Variants in ZNF804B observed in about 807,000 individuals in gnomAD.
ZNF804B encodes zinc finger protein 804B, also known as zinc finger 804B.
In ZNF804B, 80 loss-of-function variants were observed where a neutral mutation model predicts 101.4. The ratio of observed to expected loss-of-function variants is 0.79; its 90% CI spans 0.66 to 0.95. The LOEUF is 0.95. ZNF804B is among the 40% of genes least tolerant of loss of function. The pLI is 0.00. For missense variants in ZNF804B, 1,673 were observed against 1,561.9 expected (o/e 1.07, Z -1.20); for synonymous variants, 622 against 558.8 (o/e 1.11, Z -1.59).
At chr7:89,216,934 C>G (rs1788904925) in intron 1 of ZNF804B, among the ~76,000 whole-genome samples, 1 of 152,156 alleles carries the variant, frequency 6.6e-6, no homozygotes. Flanking sequence ...GCCAGTCACT[C>G]TTTTATTTGG....
At chr7:88,786,940 A>G (rs1304574055) in intron 1 of ZNF804B, among the ~76,000 whole-genome samples, 1 of 152,152 alleles carries the variant, frequency 6.6e-6, no homozygotes, top group Non-Finnish European at 1.5e-5. Context: ...GCTGGCAGGA[A>G]GATGAGTGTG....
intron 1 of ZNF804B, among the ~76,000 whole-genome samples, chr7:89,055,797 G>C (rs1220478589): frequency 6.6e-6 from 1 of 152,004 alleles, no homozygotes; most frequent in African/African-American, 2.4e-5. Flanking sequence ...AGAAAAAGGT[G>C]AGGGGTAGAG....
intron 1 of ZNF804B, among the ~76,000 whole-genome samples, chr7:89,189,052 G>A (rs1274761886): frequency 6.6e-6 from 1 of 152,130 alleles, no homozygotes; most frequent in Non-Finnish European, 1.5e-5. Context: ...TAGCTAAAGA[G>A]AAGAATTCCT....
At chr7:88,860,794 G>T (rs1791633542) in intron 1 of ZNF804B, among the ~76,000 whole-genome samples, 1 of 152,106 alleles carries the variant, frequency 6.6e-6, no homozygotes, top group Non-Finnish European at 1.5e-5. Flanking sequence ...TAATTAATTT[G>T]TTTAAAGCAG....
At chr7:88,844,959 A>G (rs768671864) in intron 1 of ZNF804B, among the ~76,000 whole-genome samples, 2 of 152,312 alleles carry the variant, frequency 1.3e-5, no homozygotes, top group Non-Finnish European at 2.9e-5. Flanking sequence ...TGCGAGCTGG[A>G]AGTTCTCTCA....
intron 1 of ZNF804B, among the ~76,000 whole-genome samples, chr7:89,163,742 A>G (rs530748657): frequency 6.6e-6 from 1 of 152,264 alleles, no homozygotes; most frequent in East Asian, 1.9e-4. Context: ...CAGTGTGTTG[A>G]ACCTATACCT....
chr7:89,027,234 G>C (rs1203167200), intron 1 of ZNF804B, among the ~76,000 whole-genome samples: 1 of 151,654 alleles, frequency 6.6e-6, no homozygotes, highest in Non-Finnish European at 1.5e-5. Flanking sequence ...AAATGCTGCA[G>C]AAAAAAAGCC....
intron 1 of ZNF804B, among the ~76,000 whole-genome samples, chr7:89,141,290 C>T (rs140848931): frequency 8.6e-5 from 13 of 152,044 alleles, no homozygotes; most frequent in East Asian, 3.9e-4. Context: ...GAGAAGTGAG[C>T]GCATGCTTTT....
At chr7:89,127,922 C>T (rs1475032634) in intron 1 of ZNF804B, among the ~76,000 whole-genome samples, 1 of 151,462 alleles carries the variant, frequency 6.6e-6, no homozygotes, top group Admixed American at 6.6e-5. Flanking sequence ...CATATAAAAA[C>T]TTCAGGATTT....
intron 1 of ZNF804B, among the ~76,000 whole-genome samples, chr7:89,111,017 G>A (rs1168930482): frequency 1.3e-5 from 2 of 152,038 alleles, no homozygotes; most frequent in Non-Finnish European, 2.9e-5. Context: ...CTTTCACTTC[G>A]TAATATGATT....
At chr7:88,821,191 A>T (rs543914392) in intron 1 of ZNF804B, among the ~76,000 whole-genome samples, 2 of 152,184 alleles carry the variant, frequency 1.3e-5, no homozygotes, top group African/African-American at 2.4e-5. Flanking sequence ...AAAAACTGTT[A>T]TACACCATAA....
intron 1 of ZNF804B, among the ~76,000 whole-genome samples, chr7:88,845,250 T>A (rs1330762354): frequency 1.3e-5 from 2 of 151,986 alleles, no homozygotes; most frequent in African/African-American, 4.8e-5. Flanking sequence ...AACAGAATAA[T>A]AAAAGCACAC....
chr7:89,048,040 A>G (rs1446624615), intron 1 of ZNF804B, among the ~76,000 whole-genome samples: 1 of 152,060 alleles, frequency 6.6e-6, no homozygotes, highest in Non-Finnish European at 1.5e-5. Flanking sequence ...TTTGGTGCAC[A>G]CATCACCTGA....
At chr7:89,015,347 T>C (rs1208615611) in intron 1 of ZNF804B, among the ~76,000 whole-genome samples, 6 of 151,634 alleles carry the variant, frequency 4.0e-5, no homozygotes, top group Admixed American at 3.9e-4. Context: ...ATTTAATTAT[T>C]ATTATACTTT....
Position 88,891,716 on chromosome 7 carries a change from GT to G in ZNF804B, c.108+131636del, listed in dbSNP as rs1792217890. ...CTTTCTCTCTACTAGTCTTTGTTTT[GT>G]TTTGTTTTGTTTTTTGAATTTTGAT... On this transcript the variant is annotated intron_variant, in intron 1 of 3. Coordinates refer to ENST00000333190, the MANE Select transcript of ZNF804B (RefSeq NM_181646.5). 2.7e-5 allele frequency among the ~76,000 whole-genome samples: 4 copies of G among 148,666 alleles called. No homozygotes were observed. The South Asian group carries it at 8.5e-4, about 32-fold the overall frequency.
rs1788973826 is a variant in ZNF804B, at chr7:89,220,061, A to ACG, written c.249+1768_249+1769dup. Among the ~76,000 whole-genome samples, 2 of 125,256 alleles carry ACG rather than the reference A, an allele frequency of 1.6e-5. 1 individual carries two copies. The highest frequency in any genetic ancestry group is 6.4e-5 in the African/African-American group (2 of 31,234). 82.2% of individuals were successfully genotyped at this position (125,256 alleles called of 152,430 possible). Reference sequence around the variant, plus strand: ...CATATATGTGCATATATACATATATACGCACATATATGTGTATATACATAT... The same window carrying ACG: ...CATATATGTGCATATATACATATATACGCGCACATATATGTGTATATACATAT... On this transcript the variant is annotated intron_variant, in intron 2 of 3. Coordinates refer to ENST00000333190, the MANE Select transcript of ZNF804B (RefSeq NM_181646.5).
At chr7:89,256,033 T>G (rs1228055154) in intron 2 of ZNF804B, among the ~76,000 whole-genome samples, 3 of 152,130 alleles carry the variant, frequency 2.0e-5, no homozygotes, top group African/African-American at 7.2e-5. Context: ...AGCACATTAG[T>G]ATTTGTTCAA....
chr7:89,242,182 C>T (rs1789382028), intron 2 of ZNF804B, among the ~76,000 whole-genome samples: 2 of 151,788 alleles, frequency 1.3e-5, no homozygotes, highest in Admixed American at 1.3e-4. Flanking sequence ...CAACTCAACA[C>T]CTAGAACAAT....
At chr7:88,831,398 A>G (rs1448091878) in intron 1 of ZNF804B, among the ~76,000 whole-genome samples, 1 of 151,956 alleles carries the variant, frequency 6.6e-6, no homozygotes, top group Non-Finnish European at 1.5e-5. Context: ...TTAAGCCATC[A>G]TGATTATTAA....
Sources: gnomAD v4.1 joint callset for allele counts (sites outside exome capture counted in the v4.1 genomes callset) on GRCh38, gnomAD v4.1.1 for gene constraint, MANE v1.5 for transcripts, NCBI Gene and HGNC (gene_info 2026-07-23, HGNC 2026-07-21) for gene names.